The following RTN1 variants were observed in gnomAD, a reference collection of about 807,000 sequenced individuals.
RTN1 encodes reticulon-1.
RTN1 carries 25 observed loss-of-function variants against 65.5 expected under a neutral mutation model. That is an observed-to-expected ratio of 0.38 (90% CI 0.28 to 0.53). The LOEUF (loss-of-function observed/expected upper bound fraction) is 0.53, where lower values mean the gene tolerates loss of function less well. Among genes scored for constraint, RTN1 ranks in the 20% least tolerant of loss-of-function variants. The pLI, the probability that RTN1 is intolerant of heterozygous loss-of-function variation, is 0.79. For synonymous variants in RTN1, 471 were observed against 447.6 expected (o/e 1.05, Z -0.66); for missense variants, 983 against 1,025.4 (o/e 0.96, Z 0.57).
intron 1 of RTN1, among the ~76,000 whole-genome samples, chr14:59,780,053 G>T (rs1354190087): frequency 6.6e-6 from 1 of 152,154 alleles, no homozygotes; most frequent in African/African-American, 2.4e-5. Flanking sequence ...TGCACATTCT[G>T]GCCTTGATCC....
chr14:59,823,043 T>C (rs1176746957), intron 1 of RTN1, among the ~76,000 whole-genome samples: 1 of 152,184 alleles, frequency 6.6e-6, no homozygotes, highest in Admixed American at 6.5e-5. Context: ...CGTGTTTAGG[T>C]CCCAAATATC....
intron 1 of RTN1, among the ~76,000 whole-genome samples, chr14:59,747,216 G>A (rs1885246303): frequency 1.3e-5 from 2 of 152,132 alleles, no homozygotes; most frequent in African/African-American, 4.8e-5. Context: ...CATTCCACTG[G>A]TGGTGCTAAG....
chr14:59,600,422 A>C (rs987754442), intron 8 of RTN1, among the ~76,000 whole-genome samples: 8 of 152,186 alleles, frequency 5.3e-5, no homozygotes, highest in Non-Finnish European at 1.2e-4. Flanking sequence ...GAGTCAAATA[A>C]CATTTATGAT....
At chr14:59,814,956 A>G (rs1244935817) in intron 1 of RTN1, among the ~76,000 whole-genome samples, 1 of 152,234 alleles carries the variant, frequency 6.6e-6, no homozygotes, top group Non-Finnish European at 1.5e-5. Context: ...AACAGCAGAA[A>G]TAGTAGTAAA....
intron 3 of RTN1, among the ~76,000 whole-genome samples, chr14:59,670,064 A>T (rs1883470331): frequency 6.6e-6 from 1 of 152,226 alleles, no homozygotes; most frequent in Non-Finnish European, 1.5e-5. Flanking sequence ...ATGGGTTGCT[A>T]TTGCAAAAAT....
At chr14:59,783,913 C>CAA (rs35470675) in intron 1 of RTN1, among the ~76,000 whole-genome samples, 2,274 of 104,208 alleles carry the variant, frequency 0.022, 38 homozygotes, top group African/African-American at 0.066. Context: ...AATCTGGGGG[C>CAA]AAAAAAAAAA....
intron 1 of RTN1, among the ~76,000 whole-genome samples, chr14:59,761,508 T>A (rs933119417): frequency 5.3e-5 from 8 of 152,210 alleles, no homozygotes; most frequent in African/African-American, 1.9e-4. Context: ...TGTGAATCAA[T>A]TAAATCTCTT....
In RTN1 at chr14:59,800,805, A is replaced by C. The variant is rs556120986; in HGVS notation, c.242-54324T>G. Among the ~76,000 whole-genome samples the C allele has an allele frequency of 3.9e-5, 6 of 152,344 alleles. No homozygotes were observed. In the East Asian group the frequency reaches 7.7e-4, roughly 20 times the overall value. On this transcript the variant is annotated intron_variant, in intron 1 of 8. Coordinates refer to ENST00000267484, the MANE Select transcript of RTN1 (RefSeq NM_021136.3). The stretch of plus-strand genomic sequence containing the variant: ...GACACAGATGTCAGAAATATCATAC[A>C]GAGAGATTAAAATAACTACGATTAA...
chr14:59,855,650 A>G (rs1887593578), intron 1 of RTN1, among the ~76,000 whole-genome samples: 1 of 152,072 alleles, frequency 6.6e-6, no homozygotes, highest in Non-Finnish European at 1.5e-5. Flanking sequence ...TAAAATCTGG[A>G]CAGTTTTGGT....
At chr14:59,651,590 T>A (rs563097795) in intron 3 of RTN1, among the ~76,000 whole-genome samples, 2 of 152,032 alleles carry the variant, frequency 1.3e-5, no homozygotes, top group African/African-American at 4.8e-5. Context: ...ATACAAAAAT[T>A]AGCTGAGCAT....
intron 1 of RTN1, among the ~76,000 whole-genome samples, chr14:59,813,291 T>A (rs1162010041): frequency 1.3e-5 from 2 of 152,196 alleles, no homozygotes; most frequent in Non-Finnish European, 2.9e-5. Context: ...CTAATCCATC[T>A]AAAAATCTTC....
At chr14:59,771,949 T>G (rs1484185999) in intron 1 of RTN1, among the ~76,000 whole-genome samples, 1 of 152,242 alleles carries the variant, frequency 6.6e-6, no homozygotes, top group Non-Finnish European at 1.5e-5. Flanking sequence ...AATAACCATT[T>G]TATTTTAGAC....
At chr14:59,858,020 G>A (rs188748355) in intron 1 of RTN1, among the ~76,000 whole-genome samples, 21 of 152,228 alleles carry the variant, frequency 1.4e-4, no homozygotes, top group Non-Finnish European at 2.8e-4. Flanking sequence ...CATGAAATTC[G>A]TGTCACACAT....
At chr14:59,660,764 A>G (rs1277968574) in intron 3 of RTN1, among the ~76,000 whole-genome samples, 1 of 152,180 alleles carries the variant, frequency 6.6e-6, no homozygotes, top group Non-Finnish European at 1.5e-5. Flanking sequence ...ATAGCACTAA[A>G]TTCCCAAAAA....
At chr14:59,630,813 C>T (rs1882535170) in intron 3 of RTN1, 1 of 1,023,860 alleles carries the variant, frequency 9.8e-7, no homozygotes, top group African/African-American at 1.7e-5. Flanking sequence ...TAAAGCGGTT[C>T]TGGCCGCGAA....
At chr14:59,671,884 T>C (rs1198615859) in intron 3 of RTN1, among the ~76,000 whole-genome samples, 1 of 152,216 alleles carries the variant, frequency 6.6e-6, no homozygotes, top group Non-Finnish European at 1.5e-5. Flanking sequence ...TTTTGTCTTG[T>C]TTGGTCTTTG....
chr14:59,793,639 CACACACACA>C (rs1566729149), intron 1 of RTN1, among the ~76,000 whole-genome samples: 4 of 128,022 alleles, frequency 3.1e-5, no homozygotes, highest in Non-Finnish European at 5.5e-5. Context: ...GCACACACCA[CACACACACA>C]CACACACACA....
intron 3 of RTN1, among the ~76,000 whole-genome samples, chr14:59,703,454 A>G (rs1466597312): frequency 6.6e-6 from 1 of 152,114 alleles, no homozygotes; most frequent in Non-Finnish European, 1.5e-5. Flanking sequence ...GCCATTTGAC[A>G]TGGCTGCCGT....
At chr14:59,811,082 T>C (rs1346034027) in intron 1 of RTN1, among the ~76,000 whole-genome samples, 2 of 152,198 alleles carry the variant, frequency 1.3e-5, no homozygotes, top group East Asian at 3.8e-4. Flanking sequence ...ACAGACTCTC[T>C]CACTTGATCT....
Sources: gnomAD v4.1 joint callset for allele counts (sites outside exome capture counted in the v4.1 genomes callset) on GRCh38, gnomAD v4.1.1 for gene constraint, MANE v1.5 for transcripts, NCBI Gene and HGNC (gene_info 2026-07-23, HGNC 2026-07-21) for gene names.